Variants in LRRN2 observed in about 807,000 individuals in gnomAD.
LRRN2 encodes leucine rich repeat neuronal 2, also known as leucine-rich repeat neuronal protein 2.
Under a neutral mutation model 35.7 loss-of-function variants are expected in LRRN2, and 10 were observed. The ratio of observed to expected loss-of-function variants is 0.28; its 90% CI spans 0.17 to 0.47. The LOEUF is 0.47. Among genes scored for constraint, LRRN2 ranks in the 20% least tolerant of loss-of-function variants. The pLI is 0.99. For missense variants in LRRN2, 731 were observed against 940.3 expected, an observed-to-expected ratio of 0.78 and a Z score of 2.91; for synonymous variants, 391 against 409.6, an observed-to-expected ratio of 0.95 and a Z score of 0.55.
chr1:204,621,903 C>T (rs1399189280), intron 1 of LRRN2: 2 of 167,230 alleles, frequency 1.2e-5, no homozygotes, highest in South Asian at 2.1e-4. Flanking sequence ...TACCATTGCT[C>T]AGGACTCTTT....
At chr1:204,639,669 A>G (rs552210353) in intron 1 of LRRN2, among the ~76,000 whole-genome samples, 1 of 152,342 alleles carries the variant, frequency 6.6e-6, no homozygotes, top group Admixed American at 6.5e-5. Flanking sequence ...ATAATTTAGT[A>G]ATGACATATG....
Position 204,626,740 on chromosome 1 carries a change from G to T in LRRN2, c.-226-6522C>A, listed in dbSNP as rs1667402182. On this transcript the variant is annotated intron_variant, in intron 1 of 1. Transcript: ENST00000367177. The stretch of plus-strand genomic sequence containing the variant: ...CGTGCACTTTCCCTTGCAGGACTGA[G>T]GGGTGCTCTGCCGTGAACTGTGAAT... 2 of 152,164 alleles carry T rather than the reference G, an allele frequency of 1.3e-5. 1 individual carries two copies. The highest frequency in any genetic ancestry group is 4.2e-4 in the South Asian group (2 of 4,814). The allele number at this position is 152,164 out of a possible 1,614,324, so 9.4% of individuals were successfully genotyped here. A position where few individuals can be genotyped will look rare whatever the true frequency, so the allele number is the denominator to read the frequency against.
chr1:204,656,184 C>T (rs1283920174), intron 1 of LRRN2, among the ~76,000 whole-genome samples: 1 of 152,378 alleles, frequency 6.6e-6, no homozygotes, highest in Non-Finnish European at 1.5e-5. Context: ...GCTGGGATTA[C>T]AGGTGTGAGC....
intron 1 of LRRN2, among the ~76,000 whole-genome samples, chr1:204,663,608 G>A (rs960654196): frequency 2.0e-5 from 3 of 152,172 alleles, no homozygotes; most frequent in Non-Finnish European, 1.5e-5. Flanking sequence ...CATTGTCCAA[G>A]TCAGACCTAA....
chr1:204,649,091 G>A (rs559826093), intron 1 of LRRN2, among the ~76,000 whole-genome samples: 8 of 152,360 alleles, frequency 5.3e-5, no homozygotes, highest in Admixed American at 2.6e-4. Context: ...CAGCATCAAA[G>A]CCAGGACAAG....
chr1:204,655,039 A>G (rs1337309005), intron 1 of LRRN2, among the ~76,000 whole-genome samples: 1 of 152,202 alleles, frequency 6.6e-6, no homozygotes, highest in East Asian at 1.9e-4. Context: ...TGAAACTTTA[A>G]TGGGTGCAAA....
chr1:204,653,142 G>C (rs931561022), intron 1 of LRRN2, among the ~76,000 whole-genome samples: 1 of 152,170 alleles, frequency 6.6e-6, no homozygotes, highest in Admixed American at 6.5e-5. Flanking sequence ...TTTTGCCATT[G>C]AAAGTAACAG....
At chr1:204,638,922 G>A (rs1321149985) in intron 1 of LRRN2, among the ~76,000 whole-genome samples, 2 of 152,246 alleles carry the variant, frequency 1.3e-5, no homozygotes, top group Non-Finnish European at 2.9e-5. Context: ...GCTGGGGAAG[G>A]GTTTTGGGGG....
At chr1:204,676,569 T>C (rs1389391820) in intron 1 of LRRN2, among the ~76,000 whole-genome samples, 3 of 152,144 alleles carry the variant, frequency 2.0e-5, no homozygotes, top group African/African-American at 7.2e-5. Flanking sequence ...ATAACTTCTA[T>C]GAGCAAGGTG....
chr1:204,653,861 CAA>C (rs35513876), intron 1 of LRRN2, among the ~76,000 whole-genome samples: 15 of 122,124 alleles, frequency 1.2e-4, no homozygotes, highest in African/African-American at 9.8e-5. Context: ...GACCCCATCT[CAA>C]AAAAAAAAAA....
chr1:204,657,970 CTTTTTTTT>C (rs56792483), intron 1 of LRRN2, among the ~76,000 whole-genome samples: 2 of 75,258 alleles, frequency 2.7e-5, no homozygotes, highest in African/African-American at 5.7e-5. Context: ...GCCAATGGTT[CTTTTTTTT>C]TTTTTTTTTT....
chr1:204,649,787 T>G (rs926451000), intron 1 of LRRN2, among the ~76,000 whole-genome samples: 2 of 152,066 alleles, frequency 1.3e-5, no homozygotes, highest in Non-Finnish European at 2.9e-5. Context: ...GTGAGCCCTC[T>G]CCCGGCTGCA....
rs549625576 is a variant in LRRN2, at chr1:204,623,770, A to G, written c.-226-3552T>C. 1.6e-4 allele frequency among the ~76,000 whole-genome samples: 25 copies of G among 152,354 alleles called. No individual in the cohort carries two copies. In the East Asian group the frequency reaches 4.2e-3, roughly 26 times the overall value. On this transcript the variant is annotated intron_variant, in intron 1 of 1. Transcript: ENST00000367177. ...AATTGGATTCCGAGCTTCTTGAGGCAGGGGCCATATCTTACATGCTTTTTG... is the reference window on the plus strand; with the variant it reads ...AATTGGATTCCGAGCTTCTTGAGGCGGGGGCCATATCTTACATGCTTTTTG...
intron 1 of LRRN2, among the ~76,000 whole-genome samples, chr1:204,661,992 G>A (rs908398832): frequency 2.0e-5 from 3 of 152,190 alleles, no homozygotes; most frequent in African/African-American, 2.4e-5. Flanking sequence ...AGGAAGGGTA[G>A]CCACTGCAGA....
chr1:204,652,279 G>A (rs1208810129), intron 1 of LRRN2, among the ~76,000 whole-genome samples: 2 of 20,752 alleles, frequency 9.6e-5, no homozygotes, highest in Admixed American at 6.1e-4. Context: ...CCGCCCCCCC[G>A]CCGCCTTCCT....
At chr1:204,653,874 A>AC (rs1240015799) in intron 1 of LRRN2, among the ~76,000 whole-genome samples, 5 of 151,246 alleles carry the variant, frequency 3.3e-5, no homozygotes, top group African/African-American at 1.2e-4. Context: ...AAAAAAAAAA[A>AC]AAGAAAAACT....
At chr1:204,672,307 C>T (rs1668731963) in intron 1 of LRRN2, among the ~76,000 whole-genome samples, 1 of 152,178 alleles carries the variant, frequency 6.6e-6, no homozygotes, top group Non-Finnish European at 1.5e-5. Context: ...GTCCTTCCCC[C>T]TCCCCATTGC....
At chr1:204,643,701 TC>T (rs1165856464) in intron 1 of LRRN2, among the ~76,000 whole-genome samples, 1 of 151,948 alleles carries the variant, frequency 6.6e-6, no homozygotes, top group Non-Finnish European at 1.5e-5. Flanking sequence ...TATCTACTGT[TC>T]CCTGTCACCC....
chr1:204,684,911 C>T (rs1193959802), intron 1 of LRRN2, among the ~76,000 whole-genome samples: 1 of 152,234 alleles, frequency 6.6e-6, no homozygotes, highest in Non-Finnish European at 1.5e-5. Context: ...GTGTCACGCC[C>T]TCCCTAACCT....
Sources: allele counts gnomAD v4.1 joint callset (sites outside exome capture counted in the v4.1 genomes callset), GRCh38; gene constraint gnomAD v4.1.1; transcripts MANE v1.5; gene names NCBI Gene and HGNC (gene_info 2026-07-23, HGNC 2026-07-21).